Variants in NEBL observed in about 807,000 individuals in gnomAD.
NEBL encodes the protein LIM and SH3 protein 2.
In NEBL, 122 loss-of-function variants were observed where a neutral mutation model predicts 140.2. The observed-to-expected ratio is 0.87, with a 90% CI of 0.75 to 1.01. The LOEUF (loss-of-function observed/expected upper bound fraction) is 1.01. NEBL is among the 50% of genes least tolerant of loss of function. The pLI, the probability that NEBL is intolerant of heterozygous loss-of-function variation, is 0.00. For missense variants in NEBL, 1,365 were observed against 1,231.3 expected, an observed-to-expected ratio of 1.11 and a Z score of -1.62; for synonymous variants, 436 against 398.9, an observed-to-expected ratio of 1.09 and a Z score of -1.11.
intron 5 of NEBL, among the ~76,000 whole-genome samples, chr10:20,872,082 C>A (rs117174695): frequency 6.6e-6 from 1 of 152,068 alleles, no homozygotes; most frequent in Admixed American, 6.6e-5. Context: ...GAAACCCTTA[C>A]TTTTTGAAAA....
At chr10:21,090,917 A>G (rs574435114) in intron 2 of NEBL, among the ~76,000 whole-genome samples, 49 of 152,312 alleles carry the variant, frequency 3.2e-4, no homozygotes, top group Non-Finnish European at 5.4e-4. Context: ...CTTCCGGCTC[A>G]ACAAGACAAA....
At chr10:20,980,671 C>T (rs866754733) in intron 3 of NEBL, among the ~76,000 whole-genome samples, 6 of 152,292 alleles carry the variant, frequency 3.9e-5, no homozygotes, top group South Asian at 2.1e-4. Context: ...CAAAGATCCA[C>T]ATCTGCCATT....
intron 3 of NEBL, among the ~76,000 whole-genome samples, chr10:21,240,907 TACACACACAC>T (rs61704937): frequency 2.5e-4 from 34 of 137,274 alleles, no homozygotes; most frequent in African/African-American, 4.8e-4. Flanking sequence ...CACGCACACA[TACACACACAC>T]ACACACACAC....
intron 4 of NEBL, among the ~76,000 whole-genome samples, chr10:20,951,285 T>C (rs1186486112): frequency 6.6e-6 from 1 of 151,794 alleles, no homozygotes; most frequent in Non-Finnish European, 1.5e-5. Context: ...TAGATATCTT[T>C]GTGCAAGCAG....
chr10:20,785,588 A>G lies in NEBL; in HGVS notation c.*159T>C. The G allele has an allele frequency of 1.2e-6, 1 of 832,824 alleles. No homozygotes were observed. Among genetic ancestry groups the G allele is most frequent in the Admixed American group, 2.2e-5 (1 of 45,708 alleles). The allele number at this position is 832,824 out of a possible 1,614,324, so 51.6% of individuals were successfully genotyped here. ...GAAAATGCTGCTGTTTTCAGCCCAG[A>G]GGTCATTCCTTCTTCCTGGTACCTG... On this transcript the variant is annotated 3_prime_UTR_variant, in exon 28 of 28. Transcript: ENST00000377122.
chr10:21,100,337 T>G (rs1460128526), intron 2 of NEBL, among the ~76,000 whole-genome samples: 1 of 152,168 alleles, frequency 6.6e-6, no homozygotes, highest in Admixed American at 6.5e-5. Flanking sequence ...CTTTATTCCC[T>G]CTCGCCACAG....
At chr10:20,802,671 A>T (rs1837225894) in intron 26 of NEBL, among the ~76,000 whole-genome samples, 1 of 152,210 alleles carries the variant, frequency 6.6e-6, no homozygotes, top group Non-Finnish European at 1.5e-5. Context: ...ACCAAATGTG[A>T]ACGATGAAAA....
intron 11 of NEBL, among the ~76,000 whole-genome samples, chr10:20,848,419 A>G (rs1326068260): frequency 6.6e-6 from 1 of 152,202 alleles, no homozygotes; most frequent in African/African-American, 2.4e-5. Flanking sequence ...TTTCTTTATC[A>G]GATTCCTCTT....
chr10:20,980,532 G>A (rs968679797), intron 3 of NEBL, among the ~76,000 whole-genome samples: 10 of 152,186 alleles, frequency 6.6e-5, no homozygotes, highest in Admixed American at 3.9e-4. Context: ...CATATATAGC[G>A]TGCATGGTAC....
intron 3 of NEBL, among the ~76,000 whole-genome samples, chr10:20,969,469 TAAA>T (rs60300897): frequency 0.22 from 30,704 of 139,790 alleles, 5,594 homozygotes; most frequent in African/African-American, 0.5. Flanking sequence ...TTCTTTTACT[TAAA>T]AAAAAAAAAA....
chr10:21,049,439 A>T (rs1834668979), intron 2 of NEBL, among the ~76,000 whole-genome samples: 1 of 152,008 alleles, frequency 6.6e-6, no homozygotes, highest in African/African-American at 2.4e-5. Context: ...CAAGCTCATA[A>T]GAAGATTGAT....
At chr10:20,910,221 G>T (rs570985197) in intron 4 of NEBL, among the ~76,000 whole-genome samples, 9 of 152,204 alleles carry the variant, frequency 5.9e-5, no homozygotes, top group African/African-American at 2.2e-4. Context: ...GTCATTTTCA[G>T]CTCAAGGTTC....
chr10:21,225,426 A>G (rs991930468), intron 3 of NEBL, among the ~76,000 whole-genome samples: 4 of 152,092 alleles, frequency 2.6e-5, no homozygotes, highest in Non-Finnish European at 5.9e-5. Flanking sequence ...GGGCTCTACA[A>G]TGAGCAAGTG....
At chr10:20,906,555 ACT>A (rs751065682) in intron 4 of NEBL, among the ~76,000 whole-genome samples, 2 of 152,116 alleles carry the variant, frequency 1.3e-5, no homozygotes, top group East Asian at 3.9e-4. Context: ...AATAACTGGT[ACT>A]CTCTGAAGAG....
chr10:20,832,801 A>C (rs1840541078), intron 14 of NEBL, among the ~76,000 whole-genome samples: 1 of 152,078 alleles, frequency 6.6e-6, no homozygotes. Flanking sequence ...CCTATCTTCC[A>C]CTCATAATCC....
chr10:20,960,849 T>C (rs1383688637), intron 4 of NEBL, among the ~76,000 whole-genome samples: 1 of 152,156 alleles, frequency 6.6e-6, no homozygotes, highest in East Asian at 1.9e-4. Context: ...ATACAAATTT[T>C]AGTGACTTTA....
chr10:20,988,489 C>T (rs1273247472), intron 3 of NEBL, among the ~76,000 whole-genome samples: 2 of 152,284 alleles, frequency 1.3e-5, no homozygotes, highest in East Asian at 3.9e-4. Flanking sequence ...ACTGTCCTGG[C>T]TCCTAGCTAA....
intron 2 of NEBL, among the ~76,000 whole-genome samples, chr10:21,038,392 T>C (rs1039015485): frequency 3.3e-5 from 5 of 152,182 alleles, no homozygotes; most frequent in African/African-American, 1.2e-4. Context: ...CCTCGGTGTG[T>C]GATATTCTCC....
At chr10:21,169,063 AAAAAATATATATATATATATATATAT>A (rs1458336074) in intron 2 of NEBL, among the ~76,000 whole-genome samples, 5 of 35,316 alleles carry the variant, frequency 1.4e-4, no homozygotes, top group Admixed American at 3.8e-4. Flanking sequence ...AAAAAAAAAA[AAAAAATATATATATATATATATATAT>A]ATATATATAT....
Sources: gnomAD v4.1 joint callset for allele counts (sites outside exome capture counted in the v4.1 genomes callset) on GRCh38, gnomAD v4.1.1 for gene constraint, MANE v1.5 for transcripts, NCBI Gene and HGNC (gene_info 2026-07-23, HGNC 2026-07-21) for gene names.